The following ACAD11 variants were observed in gnomAD, a reference collection of about 807,000 sequenced individuals.
The protein encoded by ACAD11 is acyl-Coenzyme A dehydrogenase family, member 11.
ACAD11 carries 83 observed loss-of-function variants against 102.2 expected under a neutral mutation model. That is an observed-to-expected ratio of 0.81 (90% CI 0.68 to 0.97). ACAD11 has a LOEUF of 0.97. Among genes scored for constraint, ACAD11 ranks in the 50% least tolerant of loss-of-function variants. The probability of loss-of-function intolerance (pLI) is 0.00; values close to 1 mark genes in which losing one functional copy is unlikely to be tolerated. For synonymous variants in ACAD11, 324 were observed against 319.8 expected (o/e 1.01, Z -0.14); for missense variants, 901 against 951.7 (o/e 0.95, Z 0.70).
At chr3:132,640,376 C>T (rs1296725054) in intron 4 of ACAD11, among the ~76,000 whole-genome samples, 1 of 152,212 alleles carries the variant, frequency 6.6e-6, no homozygotes, top group African/African-American at 2.4e-5. Flanking sequence ...GCTTCAGCCA[C>T]CGCGCCCAGC....
intron 17 of ACAD11, among the ~76,000 whole-genome samples, chr3:132,575,045 C>A (rs1189714964): frequency 1.3e-5 from 2 of 151,950 alleles, no homozygotes; most frequent in Non-Finnish European, 2.9e-5. Context: ...CGGGGTTTCA[C>A]CATGTTGCCC....
In ACAD11 at chr3:132,561,107, C is replaced by G. The variant is rs1434484065; in HGVS notation, c.2112G>C (p.Lys704Asn). 1 of 1,612,532 alleles carries G rather than the reference C, an allele frequency of 6.2e-7. No homozygotes were observed. The highest frequency in any genetic ancestry group is 1.1e-5 in the South Asian group (1 of 91,056). The change falls in exon 18 of 20, where the codon AAG (lysine) becomes AAC (asparagine). Residue 704 changes from lysine (K) to asparagine (N), a missense_variant. Lys to Asn is a moderately conservative substitution (Grantham distance 94, BLOSUM62 0). Coordinates refer to ENST00000264990, the MANE Select transcript of ACAD11 (RefSeq NM_032169.5). ...SMDTLGSAGA[K>N]KEIAMIKVAA... ...GGGGAGAAGGTAGCCTCACCTCTTT[C>G]TTAGCGCCAGCACTGCCCAGAGTGT...
chr3:132,629,853 AAAG>A (rs1373817928), intron 7 of ACAD11, among the ~76,000 whole-genome samples: 7 of 152,132 alleles, frequency 4.6e-5, no homozygotes, highest in African/African-American at 1.2e-4. Flanking sequence ...GGATTAGTAT[AAAG>A]AAGAAGCCAT....
At chr3:132,594,238 G>A (rs145342337) in intron 13 of ACAD11, among the ~76,000 whole-genome samples, 4 of 152,236 alleles carry the variant, frequency 2.6e-5, no homozygotes, top group East Asian at 3.9e-4. Context: ...CATTACAACC[G>A]ATTTGCAATA....
Position 132,561,205 on chromosome 3 carries a change from G to A in ACAD11, c.2014C>T (p.His672Tyr), listed in dbSNP as rs371149883. 6.2e-7 allele frequency: 1 copy of A among 1,612,882 alleles called. No individual in the cohort carries two copies. The highest frequency in any genetic ancestry group is 1.3e-5 in the African/African-American group (1 of 74,908). ...KKLYAHEVVA[H>Y]WIAESRIAIE... is the part of the protein sequence containing the mutation. ...GCAATGCGGCTTTCAGCAATCCAGT[G>A]AGCCACAACCTCCTATAGGGGAGGA... is the stretch of plus-strand genomic sequence containing the variant. Residue 672 changes from histidine (H) to tyrosine (Y), a missense_variant, in exon 18 of 20, where the codon CAC becomes TAC. Physicochemically the swap from His to Tyr is moderately conservative, Grantham distance 83. Transcript: ENST00000264990.
chr3:132,618,831 A>C (rs1280931763), intron 10 of ACAD11, 59 bp from the exon 11 acceptor site: 9 of 1,424,406 alleles, frequency 6.3e-6, no homozygotes, highest in Non-Finnish European at 8.3e-6. Context: ...ACAGTAGTTT[A>C]TTTCTTTTTT....
intron 1 of ACAD11, among the ~76,000 whole-genome samples, chr3:132,655,048 T>C (rs916947695): frequency 6.6e-6 from 1 of 152,114 alleles, no homozygotes; most frequent in Non-Finnish European, 1.5e-5. Context: ...CATTTAAACA[T>C]AGAAAAGGTA....
chr3:132,631,373 A>G lies in ACAD11; in HGVS notation c.809T>C (p.Met270Thr). ...LFYFWPRTVPMINQGSYSENS... is the reference protein window; with the variant it reads ...LFYFWPRTVPTINQGSYSENS... ...TTCACTATAAGAACCTTGATTTATC[A>G]TTGGAACTGTCCTTGGCCAAAAGTA... Residue 270 changes from methionine to threonine, a missense_variant, in exon 6 of 20, where the codon ATG (methionine) becomes ACG (threonine). Met to Thr is a moderately conservative substitution (Grantham distance 81). Transcript: ENST00000264990. The G allele has an allele frequency of 6.5e-7, 1 of 1,527,902 alleles. No individual in the cohort carries two copies. Among genetic ancestry groups the G allele is most frequent in the South Asian group, 1.3e-5 (1 of 74,334 alleles). The allele number at this position is 1,527,902 out of a possible 1,614,324, so 94.6% of individuals were successfully genotyped here. A position where few individuals can be genotyped will look rare whatever the true frequency, so the allele number is the denominator to read the frequency against.
chr3:132,568,978 C>A (rs1937300018), intron 17 of ACAD11, among the ~76,000 whole-genome samples: 1 of 151,796 alleles, frequency 6.6e-6, no homozygotes, highest in African/African-American at 2.4e-5. Flanking sequence ...AAAGCATGAC[C>A]CACATAAGCA....
chr3:132,570,288 C>T (rs941596648), intron 17 of ACAD11, among the ~76,000 whole-genome samples: 6 of 151,994 alleles, frequency 3.9e-5, no homozygotes, highest in African/African-American at 1.2e-4. Flanking sequence ...TTGAGTTGGT[C>T]CAAGTGTTGT....
In ACAD11 at chr3:132,618,788, A is replaced by G. The variant is rs1232625042; in HGVS notation, c.1276-16T>C. The stretch of plus-strand genomic sequence containing the variant: ...TGGCCATTTCCTGTCAAGGTGATGA[A>G]CATGCCAGAGTGACCATAATTTACC... On this transcript the variant is annotated splice_polypyrimidine_tract_variant and intron_variant, in intron 10 of 19. Transcript: ENST00000264990. 6.4e-7 allele frequency: 1 copy of G among 1,566,526 alleles called. No homozygotes were observed. The highest frequency in any genetic ancestry group is 8.6e-7 in the Non-Finnish European group (1 of 1,161,670).
intron 13 of ACAD11, among the ~76,000 whole-genome samples, chr3:132,583,580 G>A (rs1313102240): frequency 6.6e-6 from 1 of 151,968 alleles, no homozygotes; most frequent in African/African-American, 2.4e-5. Context: ...GCTATTTCTT[G>A]CCTTCTGCTA....
At chr3:132,563,449 T>C (rs1937122955) in intron 17 of ACAD11, among the ~76,000 whole-genome samples, 1 of 152,214 alleles carries the variant, frequency 6.6e-6, no homozygotes, top group Non-Finnish European at 1.5e-5. Context: ...TACTTAGGTC[T>C]CCTTTGATTT....
At chr3:132,635,067 T>C (rs1384190678) in intron 5 of ACAD11, among the ~76,000 whole-genome samples, 1 of 149,902 alleles carries the variant, frequency 6.7e-6, no homozygotes, top group Non-Finnish European at 1.5e-5. Flanking sequence ...AAAATAAATA[T>C]ATATAAAATA....
Position 132,631,321 on chromosome 3 carries a change from A to T in ACAD11, c.841+20T>A, listed in dbSNP as rs188869408. ...CAGTTTTATATTAATAGCAATTTAG[A>T]CAACATTATGTTTTTATACCTGAGT... On this transcript the variant is annotated intron_variant, in intron 6 of 19. Coordinates refer to ENST00000264990, the MANE Select transcript of ACAD11 (RefSeq NM_032169.5). The T allele has an allele frequency of 7.3e-6, 10 of 1,362,466 alleles. No homozygotes were observed. The East Asian group carries it at 2.2e-4, about 30-fold the overall frequency. 84.4% of individuals were successfully genotyped at this position (1,362,466 alleles called of 1,614,324 possible). A position where few individuals can be genotyped will look rare whatever the true frequency, so the allele number is the denominator to read the frequency against.
chr3:132,597,908 G>A (rs1938386865), intron 13 of ACAD11, among the ~76,000 whole-genome samples: 1 of 152,008 alleles, frequency 6.6e-6, no homozygotes. Flanking sequence ...CTTCCAGATT[G>A]GAACTTTTTA....
At chr3:132,583,773 G>C (rs1937670589) in intron 13 of ACAD11, among the ~76,000 whole-genome samples, 1 of 152,120 alleles carries the variant, frequency 6.6e-6, no homozygotes, top group Admixed American at 6.6e-5. Context: ...TGGTTTCAAA[G>C]AACATCTTTA....
At chr3:132,625,513 C>CT (rs1939777011) in intron 9 of ACAD11, among the ~76,000 whole-genome samples, 1 of 151,996 alleles carries the variant, frequency 6.6e-6, no homozygotes, top group African/African-American at 2.4e-5. Context: ...TGAACAAACA[C>CT]TAACTAGATC....
chr3:132,570,499 A>G (rs555257118), intron 17 of ACAD11, among the ~76,000 whole-genome samples: 22 of 152,132 alleles, frequency 1.4e-4, no homozygotes, highest in Non-Finnish European at 2.4e-4. Context: ...GATGGTAATC[A>G]TATCTTTTTT....
Sources: gnomAD v4.1 joint callset for allele counts (sites outside exome capture counted in the v4.1 genomes callset) on GRCh38, gnomAD v4.1.1 for gene constraint, MANE v1.5 for transcripts, NCBI Gene and HGNC (gene_info 2026-07-23, HGNC 2026-07-21) for gene names.